IL17RA: variants seen among roughly 807,000 people sequenced by gnomAD.
IL17RA encodes the protein interleukin-17 receptor A.
In IL17RA, 34 loss-of-function variants were observed where a neutral mutation model predicts 50.4. That is an observed-to-expected ratio of 0.67 (90% CI 0.51 to 0.90). The LOEUF is 0.90. Among genes scored for constraint, IL17RA ranks in the 40% least tolerant of loss-of-function variants. The probability of loss-of-function intolerance (pLI) is 0.00; values close to 1 mark genes in which losing one functional copy is unlikely to be tolerated. For synonymous variants in IL17RA, 585 were observed against 510.4 expected (o/e 1.15, Z -1.97); for missense variants, 1,276 against 1,169.8 (o/e 1.09, Z -1.32).
At position 17,114,117 on chromosome 22, in the gene IL17RA, T is replaced by C. The variant is rs1222639720; in HGVS notation, c.*4297T>C. 4 of 152,206 alleles carry C rather than the reference T, an allele frequency of 2.6e-5. No homozygotes were observed. Among genetic ancestry groups the C allele is most frequent in the Non-Finnish European group, 5.9e-5 (4 of 68,054 alleles). 9.4% of individuals were successfully genotyped at this position (152,206 alleles called of 1,614,324 possible). ...GTCCATTGTGGAAAAATGGCAACAA[T>C]ATGGATTCCATGGGTATATTTTATA... On this transcript the variant is annotated 3_prime_UTR_variant, in exon 13 of 13. Transcript: ENST00000319363.
Position 17,097,473 on chromosome 22 carries a change from C to T in IL17RA, c.164-324C>T, listed in dbSNP as rs868076510. 18 of 524,480 alleles carry T rather than the reference C, an allele frequency of 3.4e-5. No individual in the cohort carries two copies. In the Middle Eastern group the frequency reaches 3.2e-3, roughly 93 times the overall value. 32.5% of individuals were successfully genotyped at this position (524,480 alleles called of 1,614,324 possible). On this transcript the variant is annotated intron_variant, in intron 2 of 12. Transcript: ENST00000319363. ...AAGTGTCTGAGCCAATTAGAGACCC[C>T]TGACATATAACAATAAAGCAGCTCT... is the stretch of plus-strand genomic sequence containing the variant.
At position 17,109,732 on chromosome 22, in the gene IL17RA, G is replaced by T. The variant is rs759919351; in HGVS notation, c.2513G>T (p.Ser838Ile). The T allele has an allele frequency of 1.3e-6, 2 of 1,570,324 alleles. No individual in the cohort carries two copies. Among genetic ancestry groups the T allele is most frequent in the East Asian group, 2.3e-5 (1 of 42,918 alleles). ...LSPEDLESLR[S>I]LQRQLLFRQL... ...CCCGAGGACCTGGAGAGCCTGAGGA[G>T]CCTCCAGCGGCAGCTGCTTTTCCGC... Residue 838 changes from serine (S) to isoleucine (I), a missense_variant, in exon 13 of 13, where the codon AGC becomes ATC. By Grantham distance (142) the Ser-to-Ile change is moderately radical (BLOSUM62 -2). Transcript: ENST00000319363.
chr22:17,085,236 C>A lies in IL17RA; in HGVS notation c.138+7C>A. 1 of 1,538,502 alleles carries A rather than the reference C, an allele frequency of 6.5e-7. No homozygotes were observed. Among genetic ancestry groups the A allele is most frequent in the Non-Finnish European group, 8.7e-7 (1 of 1,146,210 alleles). Reference sequence around the variant, plus strand: ...GCTGGTCTGCTCCCAGCCGGTGAGACTCGACGTGGGGAGCGGTAGCCGCCA... The same window carrying A: ...GCTGGTCTGCTCCCAGCCGGTGAGAATCGACGTGGGGAGCGGTAGCCGCCA... On this transcript the variant is annotated splice_region_variant and intron_variant, in intron 1 of 12. Transcript: ENST00000319363.
rs2061458747 is a variant in IL17RA, at chr22:17,114,486, G to A, written c.*4666G>A. On this transcript the variant is annotated 3_prime_UTR_variant, in exon 13 of 13. Coordinates refer to ENST00000319363, the MANE Select transcript of IL17RA (RefSeq NM_014339.7). ...CTCCCCCTGGAGTCCTTCCCAGGAG[G>A]AATAACCCCTTAGGTCATTGACTAT... 1 of 152,282 alleles carries A rather than the reference G, an allele frequency of 6.6e-6. No individual in the cohort carries two copies. The highest frequency in any genetic ancestry group is 1.5e-5 in the Non-Finnish European group (1 of 68,090). 9.4% of individuals were successfully genotyped at this position (152,282 alleles called of 1,614,324 possible).
chr22:17,108,745 G>A lies in IL17RA; in HGVS notation c.1526G>A (p.Cys509Tyr), dbSNP rs761125102. Reference sequence around the variant, plus strand: ...GTCTGCTACTTCAGCGAGGTCAGCTGTGACGGCGACGTCCCCGACCTGTTC... The same window carrying A: ...GTCTGCTACTTCAGCGAGGTCAGCTATGACGGCGACGTCCCCGACCTGTTC... ...YVVCYFSEVS[C>Y]DGDVPDLFGA... The change falls in exon 13 of 13, where the codon TGT (cysteine) becomes TAT (tyrosine). Residue 509 changes from cysteine to tyrosine, a missense_variant. Cys to Tyr is a radical substitution (Grantham distance 194). Coordinates refer to ENST00000319363, the MANE Select transcript of IL17RA (RefSeq NM_014339.7). 1.2e-6 allele frequency: 2 copies of A among 1,611,762 alleles called. No individual in the cohort carries two copies. The highest frequency in any genetic ancestry group is 1.7e-6 in the Non-Finnish European group (2 of 1,179,548).
rs1185796782 is a variant in IL17RA at position 17,111,237 on chromosome 22, GAA to G, written c.*1419_*1420del. On this transcript the variant is annotated 3_prime_UTR_variant, in exon 13 of 13. Coordinates refer to ENST00000319363, the MANE Select transcript of IL17RA (RefSeq NM_014339.7). ...ACCTGAGTTCATTTATAGGAAGAGAGAAATGTCGAGGTGAAACGTAAAAGCAT... is the reference window on the plus strand; with the variant it reads ...ACCTGAGTTCATTTATAGGAAGAGAGATGTCGAGGTGAAACGTAAAAGCAT... 6.6e-6 allele frequency: 1 copy of G among 152,208 alleles called. No homozygotes were observed. Among genetic ancestry groups the G allele is most frequent in the African/African-American group, 2.4e-5 (1 of 41,426 alleles). 9.4% of individuals were successfully genotyped at this position (152,208 alleles called of 1,614,324 possible). A position where few individuals can be genotyped will look rare whatever the true frequency, so the allele number is the denominator to read the frequency against.
chr22:17,094,667 C>CTATATATA (rs2061359995), intron 1 of IL17RA, among the ~76,000 whole-genome samples: 5 of 25,102 alleles, frequency 2.0e-4, no homozygotes, highest in Non-Finnish European at 4.8e-4. Flanking sequence ...CTCTCTCTCT[C>CTATATATA]TCTCTCTCTC....
Position 17,104,737 on chromosome 22 carries a change from C to T in IL17RA, c.858C>T (p.Phe286=), listed in dbSNP as rs766145662. ...CTCTCTGCCCGCAGATCCAGCCCTT[C>T]TTCAGCAGCTGCCTCAATGACTGCC... ...CCRHQVQIQP[F]FSSCLNDCLR... The change falls in exon 9 of 13, where the codon TTC becomes TTT. Residue 286 remains phenylalanine (F), a synonymous_variant. Coordinates refer to ENST00000319363, the MANE Select transcript of IL17RA (RefSeq NM_014339.7). 1.1e-5 allele frequency: 18 copies of T among 1,614,004 alleles called. No homozygotes were observed. Among genetic ancestry groups the T allele is most frequent in the Non-Finnish European group, 1.4e-5 (17 of 1,179,974 alleles).
At chr22:17,091,286 G>A (rs1950476445) in intron 1 of IL17RA, among the ~76,000 whole-genome samples, 1 of 152,070 alleles carries the variant, frequency 6.6e-6, no homozygotes, top group Admixed American at 6.5e-5. Context: ...TGATAATTTG[G>A]CTGGGTGTGA....
intron 8 of IL17RA, among the ~76,000 whole-genome samples, chr22:17,104,284 G>GA (rs1330320885): frequency 2.3e-5 from 2 of 86,306 alleles, no homozygotes; most frequent in African/African-American, 4.7e-5. Flanking sequence ...GTGTGGTGTG[G>GA]CTGGAGTGGG....
At position 17,092,019 on chromosome 22, in the gene IL17RA, C is replaced by T. The variant is rs1452008564; in HGVS notation, c.139-5043C>T. On this transcript the variant is annotated intron_variant, in intron 1 of 12. Transcript: ENST00000319363. ...GCAGCTTCAGGATGGGGGCTGGTCCCGGGAAGCAAGTTAGGATTAGAGGGC... is the reference window on the plus strand; with the variant it reads ...GCAGCTTCAGGATGGGGGCTGGTCCTGGGAAGCAAGTTAGGATTAGAGGGC... Among the ~76,000 whole-genome samples, 9 of 152,264 alleles carry T rather than the reference C, an allele frequency of 5.9e-5. No individual in the cohort carries two copies. The East Asian group carries it at 7.7e-4, about 13-fold the overall frequency.
rs529428523 is a variant in IL17RA, at chr22:17,114,962, G to A, written c.*5142G>A. On this transcript the variant is annotated 3_prime_UTR_variant, in exon 13 of 13. Transcript: ENST00000319363. ...GAGGGAAGGGGCAGAGGGCCTGACA[G>A]TCAACCACGCGCTATATTTTCCTGT... 1 of 152,410 alleles carries A rather than the reference G, an allele frequency of 6.6e-6. No homozygotes were observed. The highest frequency in any genetic ancestry group is 6.5e-5 in the Admixed American group (1 of 15,310). 9.4% of individuals were successfully genotyped at this position (152,410 alleles called of 1,614,324 possible).
At chr22:17,088,309 CTTATTTAT>C (rs567630756) in intron 1 of IL17RA, among the ~76,000 whole-genome samples, 2 of 151,904 alleles carry the variant, frequency 1.3e-5, no homozygotes, top group African/African-American at 4.8e-5. Context: ...GGAGGTATCC[CTTATTTAT>C]TTATTTATTT....
intron 1 of IL17RA, among the ~76,000 whole-genome samples, chr22:17,094,432 T>A (rs1415586472): frequency 6.6e-6 from 1 of 151,810 alleles, no homozygotes; most frequent in Non-Finnish European, 1.5e-5. Context: ...ATTGTTATAT[T>A]GTTTGGAGAG....
At chr22:17,103,419 G>A (rs2061398582) in intron 7 of IL17RA, 75 bp from the exon 8 acceptor site, 1 of 1,188,948 alleles carries the variant, frequency 8.4e-7, no homozygotes, top group South Asian at 1.3e-5. Context: ...CTCCATGGCA[G>A]TGCCACAGCG....
intron 1 of IL17RA, among the ~76,000 whole-genome samples, chr22:17,095,758 G>A (rs938431263): frequency 6.6e-6 from 1 of 152,134 alleles, no homozygotes; most frequent in East Asian, 1.9e-4. Context: ...CCCCCTAGTG[G>A]GGTGGTGATG....
Position 17,103,504 on chromosome 22 carries a change from AAG to A in IL17RA, c.776_777del (p.Glu259ValfsTer15). 1 of 1,613,584 alleles carries A rather than the reference AAG, an allele frequency of 6.2e-7. No individual in the cohort carries two copies. The highest frequency in any genetic ancestry group is 1.1e-5 in the South Asian group (1 of 90,986). On this transcript the variant is annotated frameshift_variant, in exon 8 of 13. Transcript: ENST00000319363. LOFTEE classifies it high-confidence loss of function. The stretch of plus-strand genomic sequence containing the variant: ...CGCCTCTCTCCTCAGCCCAGACCAG[AAG>A]AGTTCCACCAGCGATCCAACGTCAC...
At chr22:17,108,198 G>A in intron 12 of IL17RA, 109 bp from the exon 13 acceptor site, 1 of 1,148,144 alleles carries the variant, frequency 8.7e-7, no homozygotes. Flanking sequence ...CTCAGCTTAG[G>A]GAGGGAGCCA....
chr22:17,085,904 G>A (rs1176749635), intron 1 of IL17RA, among the ~76,000 whole-genome samples: 1 of 152,164 alleles, frequency 6.6e-6, no homozygotes, highest in African/African-American at 2.4e-5. Context: ...GGCGGCTGAG[G>A]GCCACCTCCC....
Sources: gnomAD v4.1 joint callset for allele counts (sites outside exome capture counted in the v4.1 genomes callset) on GRCh38, gnomAD v4.1.1 for gene constraint, MANE v1.5 for transcripts, NCBI Gene and HGNC (gene_info 2026-07-23, HGNC 2026-07-21) for gene names.